Variants in NRG1 observed in about 807,000 individuals in gnomAD.
The protein encoded by NRG1 is neuregulin 1, also known as pro-neuregulin-1, membrane-bound isoform.
NRG1 carries 18 observed loss-of-function variants against 63.8 expected under a neutral mutation model. The observed-to-expected ratio is 0.28, with a 90% CI of 0.19 to 0.42. The LOEUF is 0.42. Ranked by LOEUF, NRG1 falls within the 10% of genes least tolerant of loss-of-function variation. NRG1 has a pLI of 1.00. For synonymous variants in NRG1, 302 were observed against 301.3 expected, an observed-to-expected ratio of 1.00 and a Z score of -0.02; for missense variants, 762 against 814.7, an observed-to-expected ratio of 0.94 and a Z score of 0.79.
chr8:31,646,267 G>A (rs1301444934), intron 1 of NRG1, among the ~76,000 whole-genome samples: 1 of 152,240 alleles, frequency 6.6e-6, no homozygotes, highest in African/African-American at 2.4e-5. Flanking sequence ...AGTGGTGCAT[G>A]AATCCGGAGC....
rs966925898 is a variant in NRG1, at chr8:31,871,907, T to G, written c.37+232476T>G. Among the ~76,000 whole-genome samples the G allele has an allele frequency of 7.2e-5, 11 of 152,194 alleles. 1 individual carries two copies. The highest frequency in any genetic ancestry group is 2.7e-4 in the African/African-American group (11 of 41,446). On this transcript the variant is annotated intron_variant, in intron 1 of 10. Transcript: ENST00000519301. ...TTCAAAGAGGGAGAGAAATGTGAATTCAAAAGGATAATGTGGCTTTTATTT... is the reference window on the plus strand; with the variant it reads ...TTCAAAGAGGGAGAGAAATGTGAATGCAAAAGGATAATGTGGCTTTTATTT...
exon 12 of NRG1, chr8:32,764,083 A>G: frequency 1.2e-6 from 2 of 1,614,106 alleles, no homozygotes; most frequent in Non-Finnish European, 1.7e-6. Flanking sequence ...GAGCCAGCCC[A>G]AGAGCCTGTT....
At position 32,005,222 on chromosome 8, in the gene NRG1, T is replaced by C. The variant is rs558087354; in HGVS notation, c.37+365791T>C. Among the ~76,000 whole-genome samples the C allele has an allele frequency of 5.3e-5, 8 of 151,900 alleles. No individual in the cohort carries two copies. The South Asian group carries it at 1.5e-3, about 28-fold the overall frequency. On this transcript the variant is annotated intron_variant, in intron 1 of 10. Transcript: ENST00000519301. ...GGATGGGTAGCTGTTCTGTGGATTG[T>C]GTGAGTTAAGGGGAAGGAAGTGGTG...
At chr8:31,754,062 A>C (rs1279944820) in intron 1 of NRG1, among the ~76,000 whole-genome samples, 1 of 152,148 alleles carries the variant, frequency 6.6e-6, no homozygotes, top group South Asian at 2.1e-4. Flanking sequence ...CATTCCTGGT[A>C]TGAAAATATG....
At chr8:32,322,006 A>G (rs758633971) in intron 1 of NRG1, among the ~76,000 whole-genome samples, 44 of 152,002 alleles carry the variant, frequency 2.9e-4, no homozygotes, top group Non-Finnish European at 5.9e-4. Context: ...TTTCTTTTCC[A>G]GCTTTAAAAT....
intron 1 of NRG1, among the ~76,000 whole-genome samples, chr8:32,068,477 C>G (rs144255234): frequency 6.6e-6 from 1 of 152,190 alleles, no homozygotes; most frequent in East Asian, 1.9e-4. Flanking sequence ...TGAAAGGCCA[C>G]GGGGCTGTTT....
chr8:31,998,151 A>G (rs1444780206), intron 1 of NRG1, among the ~76,000 whole-genome samples: 1 of 151,956 alleles, frequency 6.6e-6, no homozygotes, highest in Non-Finnish European at 1.5e-5. Flanking sequence ...ATGGCTCCCC[A>G]TTGGGTAACA....
exon 12 of NRG1, chr8:32,765,436 A>G (rs1421527475): frequency 6.6e-6 from 1 of 152,220 alleles, no homozygotes; most frequent in Non-Finnish European, 1.5e-5. Context: ...CCTGCTGTAC[A>G]TAGCGATGAC....
At chr8:32,756,073 G>A (rs1829626000) in intron 8 of NRG1, among the ~76,000 whole-genome samples, 1 of 152,116 alleles carries the variant, frequency 6.6e-6, no homozygotes, top group South Asian at 2.1e-4. Context: ...ACAAATAAGT[G>A]TCCATTTGTA....
chr8:31,981,249 A>G (rs1272207742), intron 1 of NRG1, among the ~76,000 whole-genome samples: 1 of 152,104 alleles, frequency 6.6e-6, no homozygotes, highest in Non-Finnish European at 1.5e-5. Context: ...AGAACAATGT[A>G]TAGCCAATCG....
intron 1 of NRG1, among the ~76,000 whole-genome samples, chr8:31,680,505 G>T (rs1398858044): frequency 1.3e-5 from 2 of 151,538 alleles, no homozygotes; most frequent in Non-Finnish European, 2.9e-5. Flanking sequence ...ATTCCATGGT[G>T]TATATGTGCC....
chr8:32,465,398 A>T (rs1276764777), intron 1 of NRG1, among the ~76,000 whole-genome samples: 1 of 152,208 alleles, frequency 6.6e-6, no homozygotes, highest in African/African-American at 2.4e-5. Flanking sequence ...TAGCTGTAGG[A>T]TTTAGCCTAA....
chr8:32,754,003 TTTA>T (rs1409137269), intron 7 of NRG1, among the ~76,000 whole-genome samples: 2 of 150,648 alleles, frequency 1.3e-5, no homozygotes, highest in African/African-American at 4.9e-5. Context: ...CTTTTTATAT[TTTA>T]TTTTGCAAGA....
At chr8:31,997,371 G>A (rs1348708948) in intron 1 of NRG1, among the ~76,000 whole-genome samples, 1 of 151,784 alleles carries the variant, frequency 6.6e-6, no homozygotes, top group African/African-American at 2.4e-5. Context: ...GGATTGCCTG[G>A]CACAAATTTG....
At chr8:32,375,699 A>G (rs1809534362) in intron 1 of NRG1, among the ~76,000 whole-genome samples, 1 of 152,202 alleles carries the variant, frequency 6.6e-6, no homozygotes, top group Admixed American at 6.5e-5. Context: ...CTGCAACTGG[A>G]GCTACTAATG....
intron 1 of NRG1, among the ~76,000 whole-genome samples, chr8:32,024,722 C>T (rs1322136580): frequency 1.3e-5 from 2 of 152,084 alleles, no homozygotes; most frequent in African/African-American, 4.8e-5. Context: ...AAGCCAGTCA[C>T]AAAAGAATAA....
chr8:31,870,208 A>G (rs1162222453), intron 1 of NRG1, among the ~76,000 whole-genome samples: 2 of 152,128 alleles, frequency 1.3e-5, no homozygotes, highest in African/African-American at 4.8e-5. Flanking sequence ...GGACAAAAGA[A>G]TTTGGAAGAT....
At chr8:32,054,904 T>C (rs1419632918) in intron 1 of NRG1, among the ~76,000 whole-genome samples, 1 of 96,954 alleles carries the variant, frequency 1.0e-5, no homozygotes, top group Admixed American at 1.4e-4. Flanking sequence ...TTTTTTTTTT[T>C]TTGAGATGAG....
At chr8:32,568,810 A>T (rs925483776) in intron 1 of NRG1, among the ~76,000 whole-genome samples, 1 of 152,166 alleles carries the variant, frequency 6.6e-6, no homozygotes, top group African/African-American at 2.4e-5. Flanking sequence ...ACTTGCTGTG[A>T]TTGTATAATT....
Sources: allele counts gnomAD v4.1 joint callset (sites outside exome capture counted in the v4.1 genomes callset), GRCh38; gene constraint gnomAD v4.1.1; transcripts MANE v1.5; gene names NCBI Gene and HGNC (gene_info 2026-07-23, HGNC 2026-07-21).